Variants in CUEDC1 observed in about 807,000 individuals in gnomAD.
The protein encoded by CUEDC1 is CUE domain-containing protein 1.
CUEDC1 carries 30 observed loss-of-function variants against 43.7 expected under a neutral mutation model. That is an observed-to-expected ratio of 0.69 (90% CI 0.51 to 0.93). CUEDC1 has a LOEUF of 0.93. Among genes scored for constraint, CUEDC1 ranks in the 40% least tolerant of loss-of-function variants. The pLI, the probability that CUEDC1 is intolerant of heterozygous loss-of-function variation, is 0.00. For synonymous variants in CUEDC1, 223 were observed against 223.6 expected, an observed-to-expected ratio of 1.00 and a Z score of 0.02; for missense variants, 486 against 549.0, an observed-to-expected ratio of 0.89 and a Z score of 1.15.
At chr17:57,940,138 A>C (rs1478121793) in intron 1 of CUEDC1, among the ~76,000 whole-genome samples, 1 of 152,128 alleles carries the variant, frequency 6.6e-6, no homozygotes, top group Non-Finnish European at 1.5e-5. Context: ...TCATATAGTC[A>C]ACATGTAATA....
chr17:57,887,019 C>T (rs2074299446), intron 1 of CUEDC1, among the ~76,000 whole-genome samples: 1 of 152,036 alleles, frequency 6.6e-6, no homozygotes, highest in Non-Finnish European at 1.5e-5. Flanking sequence ...GACAGGGTTT[C>T]ACCATGTTAG....
Position 57,866,427 on chromosome 17 carries a change from G to A in CUEDC1, c.*3+47C>T, listed in dbSNP as rs199535421. ...ACATGTGGGGTGCATAGTGTGGGGG[G>A]CCCTGGCCTTGGGCAGTCCCTGGGT... is the stretch of plus-strand genomic sequence containing the variant. On this transcript the variant is annotated intron_variant, in intron 10 of 10. Transcript: ENST00000577830. 3.8e-6 allele frequency: 6 copies of A among 1,576,354 alleles called. No individual in the cohort carries two copies. In the Middle Eastern group the frequency reaches 7.3e-4, roughly 192 times the overall value.
intron 1 of CUEDC1, among the ~76,000 whole-genome samples, chr17:57,896,485 G>GGGGGGGGGGGGTGT (rs1555660555): frequency 3.0e-5 from 1 of 32,806 alleles, no homozygotes; most frequent in Non-Finnish European, 5.8e-5. Flanking sequence ...AGTGCATTAT[G>GGGGGGGGGGGGTGT]GGGTGTGTGT....
intron 1 of CUEDC1, among the ~76,000 whole-genome samples, chr17:57,923,177 A>G (rs1462619689): frequency 6.6e-6 from 1 of 152,194 alleles, no homozygotes; most frequent in Non-Finnish European, 1.5e-5. Context: ...GGTGATGCCA[A>G]TGCCACTGGT....
chr17:57,918,781 G>A (rs899709151), intron 1 of CUEDC1, among the ~76,000 whole-genome samples: 1 of 152,214 alleles, frequency 6.6e-6, no homozygotes, highest in Non-Finnish European at 1.5e-5. Context: ...GAAGCAAGTA[G>A]ATGGCATACA....
chr17:57,920,600 G>A (rs1460409591), intron 1 of CUEDC1, among the ~76,000 whole-genome samples: 2 of 151,250 alleles, frequency 1.3e-5, no homozygotes, highest in Non-Finnish European at 2.9e-5. Flanking sequence ...GCCAAAGAAG[G>A]CTTTTTATTA....
In CUEDC1 at chr17:57,875,696, G is replaced by C. The variant is rs570490505; in HGVS notation, c.465-1979C>G. ...AGACAGATGGAGGGAAGGACAGACT[G>C]GGGGAGGGGAAGGAGGGAGAAGCTG... On this transcript the variant is annotated intron_variant, in intron 3 of 10. Transcript: ENST00000577830. Among the ~76,000 whole-genome samples the C allele has an allele frequency of 1.1e-4, 16 of 152,204 alleles. No individual in the cohort carries two copies. In the South Asian group the frequency reaches 3.3e-3, roughly 32 times the overall value.
intron 1 of CUEDC1, among the ~76,000 whole-genome samples, chr17:57,891,904 C>T (rs893070466): frequency 6.6e-6 from 1 of 152,230 alleles, no homozygotes. Flanking sequence ...GAATATTATA[C>T]ATTTGTCACT....
chr17:57,907,698 T>C (rs1445648656), intron 1 of CUEDC1, among the ~76,000 whole-genome samples: 3 of 151,642 alleles, frequency 2.0e-5, no homozygotes, highest in African/African-American at 2.4e-5. Context: ...ATACAAAAAT[T>C]AGCTGGGTGT....
intron 1 of CUEDC1, among the ~76,000 whole-genome samples, chr17:57,900,510 T>A (rs2074460045): frequency 6.6e-6 from 1 of 152,226 alleles, no homozygotes; most frequent in Non-Finnish European, 1.5e-5. Context: ...AAACCTGCCC[T>A]CATCCACCCC....
At chr17:57,916,270 T>A (rs1416794677) in intron 1 of CUEDC1, among the ~76,000 whole-genome samples, 2 of 152,242 alleles carry the variant, frequency 1.3e-5, no homozygotes, top group Non-Finnish European at 2.9e-5. Flanking sequence ...TCCATCCCGA[T>A]GGCCTTGTGA....
At chr17:57,898,181 C>T (rs538957273) in intron 1 of CUEDC1, among the ~76,000 whole-genome samples, 2 of 152,222 alleles carry the variant, frequency 1.3e-5, no homozygotes, top group Non-Finnish European at 2.9e-5. Flanking sequence ...ACCCTCCAAC[C>T]TTGGTCAGGG....
At chr17:57,873,450 G>T in intron 4 of CUEDC1, 141 bp downstream of exon 4, 1 of 985,510 alleles carries the variant, frequency 1.0e-6, no homozygotes, top group Non-Finnish European at 1.4e-6. Flanking sequence ...CAGCATTCCT[G>T]CCCTACGAAC....
intron 3 of CUEDC1, 90 bp downstream of exon 3, chr17:57,879,521 T>C (rs1211307129): frequency 1.4e-6 from 2 of 1,461,464 alleles, no homozygotes. Context: ...TACTGAGCAG[T>C]CCAGCCAAGT....
chr17:57,934,483 C>CA (rs1388713362), intron 1 of CUEDC1, among the ~76,000 whole-genome samples: 3 of 135,760 alleles, frequency 2.2e-5, no homozygotes, highest in African/African-American at 8.0e-5. Flanking sequence ...CTTGAGCCCA[C>CA]AAATTCCAGG....
chr17:57,947,942 C>T (rs775306196), intron 1 of CUEDC1, among the ~76,000 whole-genome samples: 1 of 152,128 alleles, frequency 6.6e-6, no homozygotes, highest in Non-Finnish European at 1.5e-5. Context: ...GAGAAGGATC[C>T]TAAACTGTGT....
At chr17:57,915,524 A>G (rs1041330034) in intron 1 of CUEDC1, among the ~76,000 whole-genome samples, 1 of 152,126 alleles carries the variant, frequency 6.6e-6, no homozygotes, top group Admixed American at 6.5e-5. Flanking sequence ...AATGTCATCA[A>G]TGAGGTTAAT....
intron 1 of CUEDC1, among the ~76,000 whole-genome samples, chr17:57,938,902 T>C (rs941342586): frequency 6.6e-6 from 1 of 151,516 alleles, no homozygotes; most frequent in Non-Finnish European, 1.5e-5. Context: ...CCTCAGGTGA[T>C]CTGCCTGCCT....
At chr17:57,896,570 T>TC (rs1482657111) in intron 1 of CUEDC1, among the ~76,000 whole-genome samples, 2 of 151,436 alleles carry the variant, frequency 1.3e-5, no homozygotes, top group South Asian at 4.2e-4. Context: ...AATATATGTT[T>TC]CCCCTGGGGA....
Sources: allele counts gnomAD v4.1 joint callset (sites outside exome capture counted in the v4.1 genomes callset), GRCh38; gene constraint gnomAD v4.1.1; transcripts MANE v1.5; gene names NCBI Gene and HGNC (gene_info 2026-07-23, HGNC 2026-07-21).